Variants in CYLD observed in about 807,000 individuals in gnomAD.
CYLD encodes the protein CYLD lysine 63 deubiquitinase.
A neutral mutation model predicts 104.5 loss-of-function variants in CYLD; 26 were observed. The observed-to-expected ratio is 0.25, with a 90% confidence interval of 0.18 to 0.35. The LOEUF (loss-of-function observed/expected upper bound fraction) is 0.35. Among genes scored for constraint, CYLD ranks in the 10% least tolerant of loss-of-function variants. The probability of loss-of-function intolerance (pLI) is 1.00; values close to 1 mark genes in which losing one functional copy is unlikely to be tolerated. For synonymous variants in CYLD, 385 were observed against 399.9 expected (o/e 0.96, Z 0.45); for missense variants, 703 against 1,136.1 (o/e 0.62, Z 5.48).
At chr16:50,780,105 G>A (rs763788660) in intron 9 of CYLD, 61 bp downstream of exon 9, 151 of 1,584,958 alleles carry the variant, frequency 9.5e-5, no homozygotes, top group African/African-American at 3.9e-4. Context: ...TGCAGATTTC[G>A]CCCTATTATA....
rs536855142 is a variant in CYLD, at chr16:50,800,419, A to T, written c.*3911A>T. 1 of 233,364 alleles carries T rather than the reference A, an allele frequency of 4.3e-6. No individual in the cohort carries two copies. The highest frequency in any genetic ancestry group is 1.8e-4 in the South Asian group (1 of 5,534). 14.5% of individuals were successfully genotyped at this position (233,364 alleles called of 1,614,324 possible). A position where few individuals can be genotyped will look rare whatever the true frequency, so the allele number is the denominator to read the frequency against. ...AAATGTGGGTACTTGGATGTTTATC[A>T]TACTGTTTCTCTGTGTTTACATACT... On this transcript the variant is annotated 3_prime_UTR_variant, in exon 19 of 19. Transcript: ENST00000427738.
intron 1 of CYLD, 96 bp from the exon 2 acceptor site, chr16:50,742,666 C>T (rs1008560496): frequency 8.4e-5 from 33 of 393,576 alleles, no homozygotes; most frequent in Non-Finnish European, 1.4e-4. Flanking sequence ...GCGGGGCGTA[C>T]GTACCGATCG....
chr16:50,752,162 G>T (rs1031334761), intron 4 of CYLD, among the ~76,000 whole-genome samples: 1 of 151,582 alleles, frequency 6.6e-6, no homozygotes, highest in African/African-American at 2.4e-5. Flanking sequence ...AAATAGAACA[G>T]GGGTCTAGAT....
At chr16:50,750,586 C>A (rs1214747033) in intron 3 of CYLD, among the ~76,000 whole-genome samples, 1 of 151,994 alleles carries the variant, frequency 6.6e-6, no homozygotes, top group African/African-American at 2.4e-5. Flanking sequence ...CTTTTGTTTA[C>A]TTTTTAATGA....
At chr16:50,775,528 A>G (rs530466246) in intron 6 of CYLD, among the ~76,000 whole-genome samples, 1 of 152,192 alleles carries the variant, frequency 6.6e-6, no homozygotes, top group African/African-American at 2.4e-5. Flanking sequence ...GTTTTTAAAA[A>G]CAGATATATG....
chr16:50,757,697 C>T (rs937354260), intron 5 of CYLD, among the ~76,000 whole-genome samples: 4 of 151,970 alleles, frequency 2.6e-5, no homozygotes, highest in African/African-American at 7.3e-5. Flanking sequence ...CCACCACGCC[C>T]GGCTAATGTT....
chr16:50,749,480 A>T (rs925353250), intron 2 of CYLD, 96 bp from the exon 3 acceptor site: 6 of 587,116 alleles, frequency 1.0e-5, no homozygotes, highest in Non-Finnish European at 1.8e-5. Context: ...TGAAAATTTT[A>T]AAAGTCTTCA....
intron 5 of CYLD, among the ~76,000 whole-genome samples, chr16:50,761,932 A>T (rs1052715340): frequency 1.3e-5 from 2 of 152,240 alleles, no homozygotes; most frequent in Admixed American, 1.3e-4. Flanking sequence ...CTTTCATCAT[A>T]CTAAATTTCC....
In CYLD at chr16:50,750,112, G is replaced by A. The variant is rs1197593168; in HGVS notation, c.414G>A (p.Gly138=). The A allele has an allele frequency of 1.1e-5, 18 of 1,613,970 alleles. No homozygotes were observed. Among genetic ancestry groups the A allele is most frequent in the Middle Eastern group, 1.6e-4 (1 of 6,084 alleles). ...GCPVKVQLRS[G]EEKFPGVVRF... The stretch of plus-strand genomic sequence containing the variant: ...CTGTGAAAGTACAGCTGAGATCTGG[G>A]GAAGAAAAATTTCCTGGAGTTGTAC... The change falls in exon 3 of 19, where the codon GGG becomes GGA. Residue 138 remains glycine, a synonymous_variant. Coordinates refer to ENST00000427738, the MANE Select transcript of CYLD (RefSeq NM_001378743.1).
chr16:50,753,907 A>C (rs1966818245), intron 4 of CYLD, among the ~76,000 whole-genome samples: 1 of 152,236 alleles, frequency 6.6e-6, no homozygotes, highest in African/African-American at 2.4e-5. Context: ...AATATGAAGA[A>C]CTTAGGGCTA....
chr16:50,760,527 T>C (rs992473400), intron 5 of CYLD, among the ~76,000 whole-genome samples: 2 of 152,184 alleles, frequency 1.3e-5, no homozygotes, highest in Non-Finnish European at 2.9e-5. Flanking sequence ...CCCCCTTCCC[T>C]TTTAATTCAA....
chr16:50,753,111 G>A (rs972194843), intron 4 of CYLD, among the ~76,000 whole-genome samples: 2 of 152,136 alleles, frequency 1.3e-5, no homozygotes, highest in East Asian at 1.9e-4. Context: ...ATGGTTTCCT[G>A]TGCTTGAAAA....
Position 50,786,891 on chromosome 16 carries a change from G to A in CYLD, c.1986G>A (p.Leu662=). 1 of 1,613,994 alleles carries A rather than the reference G, an allele frequency of 6.2e-7. No individual in the cohort carries two copies. Among genetic ancestry groups the A allele is most frequent in the Non-Finnish European group, 8.5e-7 (1 of 1,179,932 alleles). Residue 662 remains leucine, a synonymous_variant, in exon 13 of 19, where the codon CTG becomes CTA. Coordinates refer to ENST00000427738, the MANE Select transcript of CYLD (RefSeq NM_001378743.1). ...GYVCATKIMK[L]RKILEKVEAA... ...TGTGTGCCACAAAAATTATGAAACT[G>A]AGGAAAATACTTGAAAAGGTGGAGG...
At chr16:50,755,733 GT>G (rs1220816236) in intron 5 of CYLD, among the ~76,000 whole-genome samples, 1 of 151,826 alleles carries the variant, frequency 6.6e-6, no homozygotes, top group East Asian at 1.9e-4. Flanking sequence ...TGATGGGATT[GT>G]TTTTTTCTTG....
chr16:50,790,642 G>A (rs1190796682), intron 14 of CYLD, among the ~76,000 whole-genome samples: 1 of 150,522 alleles, frequency 6.6e-6, no homozygotes, highest in Non-Finnish European at 1.5e-5. Flanking sequence ...ATTAAATTTT[G>A]TTTATTTGGG....
At chr16:50,748,604 G>T (rs1295162279) in intron 2 of CYLD, among the ~76,000 whole-genome samples, 1 of 151,826 alleles carries the variant, frequency 6.6e-6, no homozygotes, top group African/African-American at 2.4e-5. Context: ...ATAATAGAAA[G>T]AAATTATAAT....
At chr16:50,759,234 T>A (rs1297062795) in intron 5 of CYLD, among the ~76,000 whole-genome samples, 1 of 152,102 alleles carries the variant, frequency 6.6e-6, no homozygotes, top group African/African-American at 2.4e-5. Context: ...AGAGCGAGAC[T>A]CCATCTCAAA....
At chr16:50,780,108 C>G (rs539199492) in intron 9 of CYLD, 64 bp downstream of exon 9, 2 of 1,557,758 alleles carry the variant, frequency 1.3e-6, no homozygotes, top group Non-Finnish European at 1.8e-6. Flanking sequence ...AGATTTCGCC[C>G]TATTATATGC....
chr16:50,763,674 G>A (rs1216364200), intron 5 of CYLD, among the ~76,000 whole-genome samples: 1 of 152,080 alleles, frequency 6.6e-6, no homozygotes, highest in African/African-American at 2.4e-5. Context: ...AAAATATTCA[G>A]TCATTATAGT....
Sources: allele counts gnomAD v4.1 joint callset (sites outside exome capture counted in the v4.1 genomes callset), GRCh38; gene constraint gnomAD v4.1.1; transcripts MANE v1.5; gene names NCBI Gene and HGNC (gene_info 2026-07-23, HGNC 2026-07-21).